Variants in MORN1 observed in about 807,000 individuals in gnomAD.
MORN1 encodes MORN repeat containing 1.
MORN1 carries 67 observed loss-of-function variants against 61.9 expected under a neutral mutation model. That is an observed-to-expected ratio of 1.08 (90% CI 0.89 to 1.33). The LOEUF (loss-of-function observed/expected upper bound fraction) is 1.33. MORN1 is among the 40% of genes most tolerant of loss of function. The pLI is 0.00. For synonymous variants in MORN1, 301 were observed against 292.0 expected (o/e 1.03, Z -0.31); for missense variants, 752 against 691.2 (o/e 1.09, Z -0.99).
chr1:2,333,073 T>C (rs1274857565), intron 12 of MORN1, among the ~76,000 whole-genome samples: 1 of 152,096 alleles, frequency 6.6e-6, no homozygotes, highest in Non-Finnish European at 1.5e-5. Flanking sequence ...GCTGGCATCG[T>C]TGGGGTCCTT....
rs572174118 is a variant in MORN1 at position 2,388,650 on chromosome 1, G to GT, written c.149-314dup. 145 of 316,242 alleles carry GT rather than the reference G, an allele frequency of 4.6e-4. No individual in the cohort carries two copies. The East Asian group carries it at 4.6e-3, about 10-fold the overall frequency. 19.6% of individuals were successfully genotyped at this position (316,242 alleles called of 1,614,324 possible). Reference sequence around the variant, plus strand: ...AAAAATTAGCCAGGTGTGGTGGTACGTGTTTGTGGGTCCAGCTGCTCAGGA... The same window carrying GT: ...AAAAATTAGCCAGGTGTGGTGGTACGTTGTTTGTGGGTCCAGCTGCTCAGGA... On this transcript the variant is annotated intron_variant, in intron 2 of 13. Transcript: ENST00000378531.
Position 2,374,504 on chromosome 1 carries a change from T to C in MORN1, c.591A>G (p.Ser197=), listed in dbSNP as rs752830876. 2.5e-6 allele frequency: 4 copies of C among 1,604,206 alleles called. No individual in the cohort carries two copies. The highest frequency in any genetic ancestry group is 1.3e-5 in the African/African-American group (1 of 74,992). ...FSGLGSMAHC[S]GVTYYGLWIN... is the part of the protein sequence containing the mutation. ...TCCACAACCCATAATAGGTGACCCC[T>C]GAGCAGTGGGCCATGCTGCCCAGTC... Residue 197 remains serine (S), a synonymous_variant, in exon 7 of 14, where the codon TCA becomes TCG. Transcript: ENST00000378531.
Position 2,321,528 on chromosome 1 carries a change from C to T in MORN1, c.1349G>A (p.Arg450His), listed in dbSNP as rs201567142. Residue 450 changes from arginine (R) to histidine (H), a missense_variant, in exon 14 of 14, where the codon CGC (arginine) becomes CAC (histidine). Transcript: ENST00000378531. ...GTGTTTGAAGGCCGGGGGCAGCCTGCGCCCCAGGAACGGCGGGGTGGTCAC... is the reference window on the plus strand; with the variant it reads ...GTGTTTGAAGGCCGGGGGCAGCCTGTGCCCCAGGAACGGCGGGGTGGTCAC... ...RDVTTPPFLG[R>H]RLPPAFKHLR... is the part of the protein sequence containing the mutation. The T allele has an allele frequency of 4.9e-5, 75 of 1,535,584 alleles. No homozygotes were observed. Among genetic ancestry groups the T allele is most frequent in the Admixed American group, 1.3e-4 (6 of 47,228 alleles).
At chr1:2,343,531 G>T (rs1241832031) in intron 10 of MORN1, among the ~76,000 whole-genome samples, 2 of 152,188 alleles carry the variant, frequency 1.3e-5, no homozygotes, top group Non-Finnish European at 2.9e-5. Context: ...ACTGAGACTC[G>T]GGCCTGGGGG....
At chr1:2,323,929 T>C (rs1450817551) in intron 13 of MORN1, 168 bp downstream of exon 13, 30 of 942,628 alleles carry the variant, frequency 3.2e-5, no homozygotes, top group East Asian at 1.2e-4. Flanking sequence ...CCCCTTCCCA[T>C]TCAGGTCCCT....
At chr1:2,351,815 G>A in intron 10 of MORN1, 1 of 545,576 alleles carries the variant, frequency 1.8e-6, no homozygotes, top group Non-Finnish European at 3.6e-6. Context: ...GTCTCATTCT[G>A]TGGTCCGTGT....
rs1374578577 is a variant in MORN1 at position 2,332,022 on chromosome 1, G to GCCTCTCCCGCCGCTGCA, written c.1250+4446_1250+4447insTGCAGCGGCGGGAGAGG. 482 of 169,466 alleles carry GCCTCTCCCGCCGCTGCA rather than the reference G, an allele frequency of 2.8e-3. 17 individuals carry two copies. Among genetic ancestry groups the GCCTCTCCCGCCGCTGCA allele is most frequent in the Non-Finnish European group, 4.5e-3 (350 of 78,592 alleles). 10.5% of individuals were successfully genotyped at this position (169,466 alleles called of 1,614,324 possible). A position where few individuals can be genotyped will look rare whatever the true frequency, so the allele number is the denominator to read the frequency against. Reference sequence around the variant, plus strand: ...GCCGCTGCGCCTCTCCCGCCGCTGCGCCTCTCCCGAAATTACAGGCTGGTG... The same window carrying GCCTCTCCCGCCGCTGCA: ...GCCGCTGCGCCTCTCCCGCCGCTGCGCCTCTCCCGCCGCTGCACCTCTCCCGAAATTACAGGCTGGTG... On this transcript the variant is annotated intron_variant, in intron 12 of 13. Coordinates refer to ENST00000378531, the MANE Select transcript of MORN1 (RefSeq NM_024848.3).
chr1:2,373,693 AC>A (rs1376272421), intron 7 of MORN1, among the ~76,000 whole-genome samples: 1 of 151,962 alleles, frequency 6.6e-6, no homozygotes, highest in African/African-American at 2.4e-5. Context: ...GCTGGGACCC[AC>A]CTCTCAGTGC....
intron 8 of MORN1, among the ~76,000 whole-genome samples, chr1:2,369,209 C>T (rs1642062072): frequency 6.6e-6 from 1 of 151,658 alleles, no homozygotes; most frequent in Admixed American, 6.6e-5. Context: ...AAAAAATTAG[C>T]CGGGCATGGT....
At chr1:2,336,397 C>G in intron 12 of MORN1, 72 bp downstream of exon 12, 1 of 1,493,714 alleles carries the variant, frequency 6.7e-7, no homozygotes, top group Non-Finnish European at 9.2e-7. Context: ...CTTCCCCGTC[C>G]TCCTGGCCCA....
intron 12 of MORN1, among the ~76,000 whole-genome samples, chr1:2,333,831 C>T (rs901962063): frequency 2.0e-5 from 3 of 152,186 alleles, no homozygotes; most frequent in Non-Finnish European, 4.4e-5. Context: ...GCGAGGGTTC[C>T]TTGAATGCAA....
chr1:2,340,544 G>A (rs1178589721), intron 10 of MORN1, among the ~76,000 whole-genome samples: 1 of 152,204 alleles, frequency 6.6e-6, no homozygotes, highest in Non-Finnish European at 1.5e-5. Flanking sequence ...GCCATCATCT[G>A]TGGCTCGGAG....
rs2100385168 is a variant in MORN1 at position 2,390,424 on chromosome 1, C to T, written c.77-428G>A. On this transcript the variant is annotated intron_variant, in intron 1 of 13. Transcript: ENST00000378531. ...TCTCCCATCCCCTGCCGTGGCCCTT[C>T]AGTGGCCTCCTATCGCTGGGGAGAA... The T allele has an allele frequency of 3.0e-6, 3 of 985,396 alleles. No individual in the cohort carries two copies. The South Asian group carries it at 1.4e-4, about 46-fold the overall frequency. The allele number at this position is 985,396 out of a possible 1,614,324, so 61.0% of individuals were successfully genotyped here.
At position 2,357,364 on chromosome 1, in the gene MORN1, C is replaced by A; in HGVS notation, c.1036+68G>T. ...CTGGCCTGGTTCTGGGTCCCCATGA[C>A]CCCACCCCCACCTTGACTGCTGGGC... On this transcript the variant is annotated intron_variant, in intron 10 of 13. Coordinates refer to ENST00000378531, the MANE Select transcript of MORN1 (RefSeq NM_024848.3). This position sits in a 1 kb window ranked among gnomAD's most constrained non-coding sequence, Gnocchi z 6.3. 1.3e-6 allele frequency: 2 copies of A among 1,509,274 alleles called. No homozygotes were observed. The highest frequency in any genetic ancestry group is 2.1e-5 in the Admixed American group (1 of 48,754). 93.5% of individuals were successfully genotyped at this position (1,509,274 alleles called of 1,614,324 possible). A position where few individuals can be genotyped will look rare whatever the true frequency, so the allele number is the denominator to read the frequency against.
rs1642140357 is a variant in MORN1, at chr1:2,372,322, C to G, written c.745+159G>C. On this transcript the variant is annotated intron_variant, in intron 8 of 13. Coordinates refer to ENST00000378531, the MANE Select transcript of MORN1 (RefSeq NM_024848.3). This position sits in a 1 kb window ranked among gnomAD's most constrained non-coding sequence, Gnocchi z 5.4. ...AAGGCTGCCCTGACTGGCAGGGAAG[C>G]TGGCACACCTGCGACCTCTCTGCCA... The G allele has an allele frequency of 1.7e-6, 1 of 602,838 alleles. No homozygotes were observed. The highest frequency in any genetic ancestry group is 2.9e-5 in the East Asian group (1 of 34,984). 37.3% of individuals were successfully genotyped at this position (602,838 alleles called of 1,614,324 possible). A position where few individuals can be genotyped will look rare whatever the true frequency, so the allele number is the denominator to read the frequency against.
chr1:2,387,517 G>A lies in MORN1; in HGVS notation c.260C>T (p.Ser87Phe), dbSNP rs1446952824. The A allele has an allele frequency of 1.2e-6, 2 of 1,611,938 alleles. No individual in the cohort carries two copies. Among genetic ancestry groups the A allele is most frequent in the Non-Finnish European group, 1.7e-6 (2 of 1,179,702 alleles). ...AGGCTCTCCCAGAACAAACTGTCCA[G>A]AGAAGGTGTCTCCTGCATGTGGACA... is the stretch of plus-strand genomic sequence containing the variant. Reference protein sequence around the residue: ...RHWAWSGDTFSGQFVLGEPQG... With the variant: ...RHWAWSGDTFFGQFVLGEPQG... Residue 87 changes from serine to phenylalanine, a missense_variant, in exon 4 of 14, where the codon TCT (serine) becomes TTT (phenylalanine). Ser to Phe is a radical substitution (Grantham distance 155). Transcript: ENST00000378531.
chr1:2,348,511 A>C (rs1257675519), intron 10 of MORN1, among the ~76,000 whole-genome samples: 1 of 152,132 alleles, frequency 6.6e-6, no homozygotes, highest in Non-Finnish European at 1.5e-5. Context: ...TCAGACGCGC[A>C]CCTGGGTACT....
At position 2,381,538 on chromosome 1, in the gene MORN1, G is replaced by A. The variant is rs149773415; in HGVS notation, c.537+3440C>T. ...GGTGTGCGGGCCTCGGTTGGCAGGCGGTCCCAGGGCCTGCCCAGGTCTCCC... is the reference window on the plus strand; with the variant it reads ...GGTGTGCGGGCCTCGGTTGGCAGGCAGTCCCAGGGCCTGCCCAGGTCTCCC... On this transcript the variant is annotated intron_variant, in intron 6 of 13. Transcript: ENST00000378531. 3.4e-3 allele frequency among the ~76,000 whole-genome samples: 523 copies of A among 152,268 alleles called. 2 individuals carry two copies. The highest frequency in any genetic ancestry group is 0.012 in the African/African-American group (485 of 41,540).
intron 12 of MORN1, among the ~76,000 whole-genome samples, chr1:2,325,055 G>A (rs1311056088): frequency 3.4e-5 from 5 of 146,256 alleles, no homozygotes; most frequent in Non-Finnish European, 7.5e-5. Context: ...TCCTCCCCGG[G>A]CAGTGAGATG....
Sources: gnomAD v4.1 joint callset for allele counts (sites outside exome capture counted in the v4.1 genomes callset) on GRCh38, gnomAD v4.1.1 for gene constraint, Gnocchi (gnomAD v3.1) non-coding constraint, MANE v1.5 for transcripts, NCBI Gene and HGNC (gene_info 2026-07-23, HGNC 2026-07-21) for gene names.